The following PABPC4L variants were observed in gnomAD, a reference collection of about 807,000 sequenced individuals.
PABPC4L encodes the protein poly(A) binding protein cytoplasmic 4 like.
For synonymous variants in PABPC4L, 169 were observed against 164.1 expected (o/e 1.03, Z -0.23); for missense variants, 452 against 451.4 (o/e 1.00, Z -0.01).
the PABPC4L span, among the ~76,000 whole-genome samples, chr4:134,016,864 T>A: frequency 1.3e-5 from 2 of 152,086 alleles, no homozygotes. Context: ...TTCCTACCCA[T>A]CAAGCTCGGG....
At chr4:133,960,012 T>C in the PABPC4L span, among the ~76,000 whole-genome samples, 4 of 152,358 alleles carry the variant, frequency 2.6e-5, no homozygotes, top group East Asian at 7.7e-4. Flanking sequence ...TATTACTATA[T>C]CCAGATGTCA....
At chr4:134,175,210 A>G in the PABPC4L span, among the ~76,000 whole-genome samples, 2 of 152,156 alleles carry the variant, frequency 1.3e-5, no homozygotes, top group African/African-American at 4.8e-5. Flanking sequence ...ATCTTAACAG[A>G]TATAAAAAGT....
At chr4:134,162,156 G>A in the PABPC4L span, among the ~76,000 whole-genome samples, 1 of 151,764 alleles carries the variant, frequency 6.6e-6, no homozygotes, top group African/African-American at 2.4e-5. Flanking sequence ...ACAATAAGGA[G>A]GAAGAAGAAA....
the PABPC4L span, among the ~76,000 whole-genome samples, chr4:134,182,432 T>A: frequency 6.6e-6 from 1 of 151,774 alleles, no homozygotes; most frequent in Non-Finnish European, 1.5e-5. Flanking sequence ...TTTCCTTACG[T>A]CATATACAAA....
At chr4:134,156,472 A>G in the PABPC4L span, among the ~76,000 whole-genome samples, 1 of 151,918 alleles carries the variant, frequency 6.6e-6, no homozygotes, top group Non-Finnish European at 1.5e-5. Context: ...TTAAATTAAT[A>G]TTGATGAAAC....
chr4:134,013,351 A>G, the PABPC4L span, among the ~76,000 whole-genome samples: 5 of 151,726 alleles, frequency 3.3e-5, no homozygotes, highest in East Asian at 9.8e-4. Context: ...GGAGGGCAAG[A>G]ACCCCCCACC....
the PABPC4L span, among the ~76,000 whole-genome samples, chr4:134,008,016 C>T: frequency 6.6e-6 from 1 of 151,306 alleles, no homozygotes; most frequent in Non-Finnish European, 1.5e-5. Flanking sequence ...CAATTATAAT[C>T]CTGATAAACA....
chr4:134,069,988 G>GTTTT, the PABPC4L span, among the ~76,000 whole-genome samples: 1,859 of 107,898 alleles, frequency 0.017, 20 homozygotes, highest in East Asian at 0.04. Context: ...CCTTTGGAGG[G>GTTTT]TTTTTTTTTT....
chr4:134,082,237 CTT>C, the PABPC4L span, among the ~76,000 whole-genome samples: 3 of 152,056 alleles, frequency 2.0e-5, no homozygotes, highest in Non-Finnish European at 4.4e-5. Context: ...CTTCTAGTCT[CTT>C]TTAAAACTTG....
chr4:133,981,443 GA>G, the PABPC4L span, among the ~76,000 whole-genome samples: 2 of 151,784 alleles, frequency 1.3e-5, no homozygotes, highest in African/African-American at 4.8e-5. Context: ...CAATTCTATT[GA>G]AAAAAATAGA....
the PABPC4L span, among the ~76,000 whole-genome samples, chr4:134,178,844 GAAGAA>G: frequency 1.3e-5 from 2 of 151,954 alleles, no homozygotes; most frequent in African/African-American, 4.8e-5. Flanking sequence ...AGACAAAAAT[GAAGAA>G]AAAACAATAA....
the PABPC4L span, among the ~76,000 whole-genome samples, chr4:134,140,841 C>A: frequency 3.4e-3 from 512 of 151,446 alleles, 4 homozygotes; most frequent in African/African-American, 9.6e-3. Flanking sequence ...GGATATGTGA[C>A]CATTGATTGT....
At chr4:134,201,345 C>T in intron 1 of PABPC4L, 100 bp from the exon 2 acceptor site, 2 of 1,220,862 alleles carry the variant, frequency 1.6e-6, no homozygotes, top group South Asian at 3.0e-5. Context: ...TCTGAGCATT[C>T]TCCACAGACG....
the PABPC4L span, among the ~76,000 whole-genome samples, chr4:134,008,833 A>G: frequency 6.6e-6 from 1 of 151,870 alleles, no homozygotes. Context: ...TGCTCTTACC[A>G]ATGTTACATA....
At chr4:134,127,039 C>T in the PABPC4L span, among the ~76,000 whole-genome samples, 2 of 151,954 alleles carry the variant, frequency 1.3e-5, no homozygotes, top group African/African-American at 4.8e-5. Context: ...ACCTGTCTGA[C>T]ACAGAAGAGA....
the PABPC4L span, among the ~76,000 whole-genome samples, chr4:134,146,590 TC>T: frequency 1.3e-5 from 2 of 152,062 alleles, no homozygotes; most frequent in Non-Finnish European, 2.9e-5. Context: ...TGGGTTCTTG[TC>T]CTGTGACTAA....
chr4:134,064,986 C>A, the PABPC4L span, among the ~76,000 whole-genome samples: 1 of 151,940 alleles, frequency 6.6e-6, no homozygotes, highest in Non-Finnish European at 1.5e-5. Context: ...TTTCTTTATT[C>A]AATCTACTGT....
In PABPC4L at chr4:134,200,995, T is replaced by C. The variant is rs1274030374; in HGVS notation, c.25A>G (p.Met9Val). The C allele has an allele frequency of 1.9e-6, 3 of 1,552,044 alleles. No individual in the cohort carries two copies. The highest frequency in any genetic ancestry group is 1.4e-5 in the African/African-American group (1 of 73,034). Residue 9 changes from methionine to valine, a missense_variant, in exon 2 of 2, where the codon ATG becomes GTG. Met to Val is a conservative substitution (Grantham distance 21). Coordinates refer to ENST00000421491, the MANE Select transcript of PABPC4L (RefSeq NM_001114734.2). ...AAGTCACCCACATACAGGGAGGCCA[T>C]GCGGTACTTGGCTGCTACATTCATC... MNVAAKYR[M>V]ASLYVGDLHA... is the part of the protein sequence containing the mutation.
At chr4:134,158,498 A>G in the PABPC4L span, among the ~76,000 whole-genome samples, 45 of 152,046 alleles carry the variant, frequency 3.0e-4, no homozygotes, top group Non-Finnish European at 5.2e-4. Flanking sequence ...ACAGACATAA[A>G]ATCTTTTTGT....
Sources: allele counts gnomAD v4.1 joint callset (sites outside exome capture counted in the v4.1 genomes callset), GRCh38; gene constraint gnomAD v4.1.1; transcripts MANE v1.5; gene names NCBI Gene and HGNC (gene_info 2026-07-23, HGNC 2026-07-21).